The following REDIC1 variants were observed in gnomAD, a reference collection of about 807,000 sequenced individuals.
The protein encoded by REDIC1 is regulator of DNA class I crossover intermediates 1.
chr12:39,654,527 G>A, the REDIC1 span, among the ~76,000 whole-genome samples: 2 of 151,900 alleles, frequency 1.3e-5, no homozygotes, highest in Non-Finnish European at 2.9e-5. Flanking sequence ...GGCGGAGCTT[G>A]CAGTGAGCCG....
At chr12:39,730,922 CTT>C in the REDIC1 span, among the ~76,000 whole-genome samples, 1 of 152,094 alleles carries the variant, frequency 6.6e-6, no homozygotes, top group Non-Finnish European at 1.5e-5. Context: ...CTCTGATAGA[CTT>C]TTTTTCTGCT....
At chr12:39,766,138 C>T in the REDIC1 span, among the ~76,000 whole-genome samples, 1 of 152,088 alleles carries the variant, frequency 6.6e-6, no homozygotes, top group Non-Finnish European at 1.5e-5. Context: ...TGTTTATCTC[C>T]TCATTTCTGA....
At chr12:39,781,808 G>T in the REDIC1 span, among the ~76,000 whole-genome samples, 1 of 152,310 alleles carries the variant, frequency 6.6e-6, no homozygotes, top group South Asian at 2.1e-4. Flanking sequence ...GGTAGCAATG[G>T]ACAAAAGTTA....
At chr12:39,713,320 G>A in the REDIC1 span, among the ~76,000 whole-genome samples, 4 of 139,644 alleles carry the variant, frequency 2.9e-5, no homozygotes, top group Non-Finnish European at 1.6e-5. Flanking sequence ...GTGTATATAT[G>A]TGTATACACA....
the REDIC1 span, among the ~76,000 whole-genome samples, chr12:39,633,988 G>A: frequency 5.5e-3 from 841 of 152,236 alleles, 3 homozygotes; most frequent in Non-Finnish European, 8.6e-3. Context: ...GTAGCTTGAG[G>A]GGGATAGCAC....
At chr12:39,837,660 C>T in the REDIC1 span, among the ~76,000 whole-genome samples, 1 of 151,194 alleles carries the variant, frequency 6.6e-6, no homozygotes. Context: ...AACAAACAAC[C>T]CCATCAAAAA....
the REDIC1 span, among the ~76,000 whole-genome samples, chr12:39,700,788 T>A: frequency 6.6e-6 from 1 of 152,006 alleles, no homozygotes. Flanking sequence ...TATTCAACAT[T>A]CTTAAAGAAA....
the REDIC1 span, among the ~76,000 whole-genome samples, chr12:39,828,011 T>TA: frequency 6.6e-6 from 1 of 152,144 alleles, no homozygotes; most frequent in African/African-American, 2.4e-5. Context: ...ACTTTGCCCT[T>TA]AGAGTTCCAT....
At chr12:39,761,594 C>T in the REDIC1 span, among the ~76,000 whole-genome samples, 1 of 147,804 alleles carries the variant, frequency 6.8e-6, no homozygotes, top group Non-Finnish European at 1.5e-5. Context: ...AAGGGTGATA[C>T]TGATAAGCTA....
chr12:39,713,206 C>T, the REDIC1 span, among the ~76,000 whole-genome samples: 1 of 143,580 alleles, frequency 7.0e-6, no homozygotes, highest in Middle Eastern at 3.8e-3. Flanking sequence ...TTTGCATATT[C>T]ATATATGTTT....
the REDIC1 span, among the ~76,000 whole-genome samples, chr12:39,783,027 C>G: frequency 3.4e-3 from 520 of 152,276 alleles, 8 homozygotes; most frequent in African/African-American, 0.012. Flanking sequence ...CCGCTCCCCC[C>G]ACCCCACGAC....
chr12:39,711,761 A>G, the REDIC1 span, among the ~76,000 whole-genome samples: 4,453 of 126,016 alleles, frequency 0.035, 233 homozygotes, highest in Middle Eastern at 0.047. Context: ...ATGCATGTGT[A>G]TGTGTGTGTG....
the REDIC1 span, among the ~76,000 whole-genome samples, chr12:39,712,633 A>G: frequency 2.1e-5 from 3 of 145,462 alleles, no homozygotes; most frequent in South Asian, 2.1e-4. Context: ...GTATATATGT[A>G]TACACATTTA....
chr12:39,771,054 A>G, the REDIC1 span, among the ~76,000 whole-genome samples: 1 of 152,170 alleles, frequency 6.6e-6, no homozygotes, highest in African/African-American at 2.4e-5. Context: ...ATTTCACATG[A>G]TATAGGCAAG....
chr12:39,789,698 C>A, the REDIC1 span, among the ~76,000 whole-genome samples: 9 of 152,142 alleles, frequency 5.9e-5, no homozygotes, highest in Non-Finnish European at 1.0e-4. Context: ...TATACTACAA[C>A]CTAGCCAACA....
the REDIC1 span, among the ~76,000 whole-genome samples, chr12:39,750,370 C>T: frequency 2.0e-5 from 3 of 152,130 alleles, no homozygotes; most frequent in Admixed American, 6.6e-5. Context: ...ATGTGAAGGA[C>T]CTCTTCAAGA....
the REDIC1 span, among the ~76,000 whole-genome samples, chr12:39,855,488 T>G: frequency 1.3e-5 from 2 of 152,218 alleles, no homozygotes; most frequent in Non-Finnish European, 2.9e-5. Flanking sequence ...CTCTGATACA[T>G]CTATCAGCCT....
chr12:39,689,409 G>C, the REDIC1 span, among the ~76,000 whole-genome samples: 129 of 152,272 alleles, frequency 8.5e-4, 1 homozygote, highest in African/African-American at 2.9e-3. Context: ...TTCTGAGAGA[G>C]GTAAGTTTGA....
chr12:39,750,002 T>TG, the REDIC1 span, among the ~76,000 whole-genome samples: 1 of 152,178 alleles, frequency 6.6e-6, no homozygotes, highest in Admixed American at 6.5e-5. Flanking sequence ...CTTTGAAACC[T>TG]GGCACAAGAC....
Sources: allele counts gnomAD v4.1 joint callset (sites outside exome capture counted in the v4.1 genomes callset), GRCh38; gene constraint gnomAD v4.1.1; transcripts MANE v1.5; gene names NCBI Gene and HGNC (gene_info 2026-07-23, HGNC 2026-07-21).